BLTP3A: variants seen among roughly 807,000 people sequenced by gnomAD.
The protein encoded by BLTP3A is ICBP90 binding protein 1.
chr6:34,823,865 T>A, the BLTP3A span, among the ~76,000 whole-genome samples: 3 of 152,046 alleles, frequency 2.0e-5, no homozygotes, highest in Admixed American at 6.6e-5. Context: ...TTCCTGCCAG[T>A]TTGTGTATGT....
At chr6:34,871,044 C>T in the BLTP3A span, 1 of 1,614,132 alleles carries the variant, frequency 6.2e-7, no homozygotes, top group Non-Finnish European at 8.5e-7. Context: ...TGGGGCCCTT[C>T]TTGGAGGATG....
At chr6:34,806,104 G>A in the BLTP3A span, among the ~76,000 whole-genome samples, 1 of 152,208 alleles carries the variant, frequency 6.6e-6, no homozygotes, top group Non-Finnish European at 1.5e-5. Context: ...ATGTGTAGAA[G>A]AATGTAGATG....
the BLTP3A span, among the ~76,000 whole-genome samples, chr6:34,868,090 T>C: frequency 6.6e-6 from 1 of 151,986 alleles, no homozygotes; most frequent in Non-Finnish European, 1.5e-5. Context: ...GTGGATCACC[T>C]GAGGTCAGGA....
chr6:34,856,567 A>C, the BLTP3A span, among the ~76,000 whole-genome samples: 4 of 152,346 alleles, frequency 2.6e-5, no homozygotes, highest in East Asian at 7.7e-4. Flanking sequence ...CTTTGACTCC[A>C]GGGATAGCCA....
chr6:34,849,326 T>C, the BLTP3A span, among the ~76,000 whole-genome samples: 1 of 150,286 alleles, frequency 6.7e-6, no homozygotes, highest in Admixed American at 6.6e-5. Context: ...CCCAGCCAGT[T>C]TTTTTTTTTA....
chr6:34,794,400 A>G, the BLTP3A span, among the ~76,000 whole-genome samples: 18,994 of 152,256 alleles, frequency 0.12, 1,328 homozygotes, highest in African/African-American at 0.17. Flanking sequence ...CACAGTGCCT[A>G]ACATACACTA....
the BLTP3A span, among the ~76,000 whole-genome samples, chr6:34,835,996 T>C: frequency 3.9e-5 from 6 of 152,180 alleles, no homozygotes; most frequent in Non-Finnish European, 7.4e-5. Flanking sequence ...GGTTATATAA[T>C]TGAAACGGAC....
the BLTP3A span, among the ~76,000 whole-genome samples, chr6:34,843,022 T>C: frequency 0.2 from 30,791 of 152,132 alleles, 3,774 homozygotes; most frequent in African/African-American, 0.34. Flanking sequence ...CTTGTTCTGT[T>C]GCCCAGTCTG....
chr6:34,824,832 G>A, the BLTP3A span, among the ~76,000 whole-genome samples: 5 of 151,392 alleles, frequency 3.3e-5, no homozygotes, highest in Non-Finnish European at 5.9e-5. Context: ...CACCACACCT[G>A]GCTGATTTTT....
At chr6:34,806,228 G>C in the BLTP3A span, among the ~76,000 whole-genome samples, 381 of 152,294 alleles carry the variant, frequency 2.5e-3, 1 homozygote, top group Non-Finnish European at 4.5e-3. Flanking sequence ...TATGTTTGAC[G>C]TAGACTAAAT....
At chr6:34,821,486 C>T in the BLTP3A span, 4 of 645,904 alleles carry the variant, frequency 6.2e-6, no homozygotes, top group Admixed American at 1.2e-4. Context: ...TGATCACAAC[C>T]CCAGTTACAG....
chr6:34,872,315 G>GA, the BLTP3A span: 1 of 1,604,592 alleles, frequency 6.2e-7, no homozygotes, highest in Non-Finnish European at 8.5e-7. Flanking sequence ...TTCCTCAGGT[G>GA]AAAGAACTGC....
At chr6:34,860,857 G>T in the BLTP3A span, among the ~76,000 whole-genome samples, 2 of 152,206 alleles carry the variant, frequency 1.3e-5, no homozygotes, top group Admixed American at 6.5e-5. Flanking sequence ...AAAGAGAAAA[G>T]AAAGGTGTGT....
chr6:34,839,875 A>G, the BLTP3A span, among the ~76,000 whole-genome samples: 1 of 152,202 alleles, frequency 6.6e-6, no homozygotes, highest in Non-Finnish European at 1.5e-5. Context: ...TCTCCCTTAC[A>G]GGGGTCAATA....
the BLTP3A span, among the ~76,000 whole-genome samples, chr6:34,801,033 G>C: frequency 2.0e-5 from 3 of 152,124 alleles, no homozygotes; most frequent in African/African-American, 7.2e-5. Context: ...ACCGCATCTG[G>C]CTAGGCCTAG....
At chr6:34,826,229 C>G in the BLTP3A span, among the ~76,000 whole-genome samples, 1 of 151,878 alleles carries the variant, frequency 6.6e-6, no homozygotes, top group East Asian at 1.9e-4. Flanking sequence ...ACCATGTTGG[C>G]CAGGCTGGTC....
the BLTP3A span, chr6:34,856,866 A>C: frequency 6.2e-7 from 1 of 1,614,190 alleles, no homozygotes. Context: ...TTCAGCCTCC[A>C]GCATGGAACC....
At chr6:34,800,415 G>T in the BLTP3A span, among the ~76,000 whole-genome samples, 1 of 152,128 alleles carries the variant, frequency 6.6e-6, no homozygotes, top group Non-Finnish European at 1.5e-5. Context: ...TGGGTAAATT[G>T]GGAGAAGATA....
the BLTP3A span, among the ~76,000 whole-genome samples, chr6:34,842,858 G>A: frequency 2.6e-5 from 4 of 152,308 alleles, no homozygotes; most frequent in South Asian, 8.3e-4. Context: ...GTTATATGGT[G>A]AGAGGTGGCT....
Sources: gnomAD v4.1 joint callset for allele counts (sites outside exome capture counted in the v4.1 genomes callset) on GRCh38, gnomAD v4.1.1 for gene constraint, MANE v1.5 for transcripts, NCBI Gene and HGNC (gene_info 2026-07-23, HGNC 2026-07-21) for gene names.